MAP2K1: variants seen among roughly 807,000 people sequenced by gnomAD.
MAP2K1 encodes the protein mitogen-activated protein kinase kinase 1, also known as dual specificity mitogen-activated protein kinase kinase 1.
In MAP2K1, 16 loss-of-function variants were observed where a neutral mutation model predicts 46.3. The observed-to-expected ratio is 0.35, with a 90% CI of 0.23 to 0.52. The LOEUF (loss-of-function observed/expected upper bound fraction) is 0.52, where lower values mean the gene tolerates loss of function less well. Among genes scored for constraint, MAP2K1 ranks in the 20% least tolerant of loss-of-function variants. The pLI, the probability that MAP2K1 is intolerant of heterozygous loss-of-function variation, is 0.94. For missense variants in MAP2K1, 263 were observed against 497.1 expected (o/e 0.53, Z 4.48); for synonymous variants, 183 against 185.6 (o/e 0.99, Z 0.11).
At chr15:66,404,095 T>G (rs1434869637) in intron 1 of MAP2K1, among the ~76,000 whole-genome samples, 1 of 152,176 alleles carries the variant, frequency 6.6e-6, no homozygotes, top group Non-Finnish European at 1.5e-5. Context: ...CAATAATTAT[T>G]AATAATAGAA....
intron 5 of MAP2K1, chr15:66,453,416 C>T: frequency 1.4e-6 from 1 of 696,906 alleles, no homozygotes; most frequent in Admixed American, 2.0e-5. Flanking sequence ...TGTGGGCTGG[C>T]CTGGCTGCTC....
At chr15:66,408,699 T>C (rs1214295428) in intron 1 of MAP2K1, among the ~76,000 whole-genome samples, 1 of 152,092 alleles carries the variant, frequency 6.6e-6, no homozygotes, top group African/African-American at 2.4e-5. Context: ...CCAGACATCT[T>C]CCTCAGTGGG....
intron 3 of MAP2K1, among the ~76,000 whole-genome samples, chr15:66,442,582 G>A (rs1017106789): frequency 1.3e-5 from 2 of 152,160 alleles, no homozygotes; most frequent in African/African-American, 4.8e-5. Context: ...CTCCCAGACC[G>A]TGTTTTTCCT....
chr15:66,427,130 G>T (rs949774571), intron 1 of MAP2K1, among the ~76,000 whole-genome samples: 1 of 152,206 alleles, frequency 6.6e-6, no homozygotes, highest in Non-Finnish European at 1.5e-5. Flanking sequence ...GGCAATTTAA[G>T]TCAAAATGTG....
At chr15:66,397,295 G>T (rs371228769) in intron 1 of MAP2K1, among the ~76,000 whole-genome samples, 1 of 152,072 alleles carries the variant, frequency 6.6e-6, no homozygotes, top group African/African-American at 2.4e-5. Context: ...GAGCCACGGC[G>T]CCCGGCCTGT....
At chr15:66,434,150 G>T (rs1013834195) in intron 1 of MAP2K1, among the ~76,000 whole-genome samples, 2 of 152,084 alleles carry the variant, frequency 1.3e-5, no homozygotes, top group African/African-American at 4.8e-5. Context: ...TTTCCCCTAT[G>T]AACACTAGTT....
In MAP2K1 at chr15:66,489,766, G is replaced by GA. The variant is rs746978252; in HGVS notation, c.1068+4dup. ...GAGCAGATTTGAAGCAACTCATGGT[G>GA]AGTCTATTTATTCCGGATTCTTACA... is the stretch of plus-strand genomic sequence containing the variant. On this transcript the variant is annotated splice_donor_region_variant and intron_variant, in intron 10 of 10. Transcript: ENST00000307102. The GA allele has an allele frequency of 6.2e-7, 1 of 1,612,354 alleles. No individual in the cohort carries two copies. Among genetic ancestry groups the GA allele is most frequent in the South Asian group, 1.1e-5 (1 of 91,058 alleles).
chr15:66,469,934 C>T (rs900262193), intron 5 of MAP2K1, among the ~76,000 whole-genome samples: 1 of 151,304 alleles, frequency 6.6e-6, no homozygotes, highest in Non-Finnish European at 1.5e-5. Context: ...TATGGAACTG[C>T]AGCCTGAGGT....
chr15:66,448,497 G>A (rs577972657), intron 5 of MAP2K1, among the ~76,000 whole-genome samples: 13 of 152,102 alleles, frequency 8.5e-5, no homozygotes, highest in South Asian at 2.1e-4. Flanking sequence ...GGGATTTGTC[G>A]GGAGAAAAGA....
At chr15:66,460,991 A>G (rs1246329916) in intron 5 of MAP2K1, among the ~76,000 whole-genome samples, 1 of 152,104 alleles carries the variant, frequency 6.6e-6, no homozygotes, top group Non-Finnish European at 1.5e-5. Context: ...TCCTCCTCAG[A>G]TCACAAAGCC....
Position 66,434,493 on chromosome 15 carries a change from A to G in MAP2K1, c.81-534A>G, listed in dbSNP as rs1329323437. 5.3e-5 allele frequency among the ~76,000 whole-genome samples: 8 copies of G among 152,284 alleles called. No homozygotes were observed. In the South Asian group the frequency reaches 1.2e-3, roughly 24 times the overall value. ...CATTGAGTAAAAATAAGAATTTTAG[A>G]TATGTAATTTTTATGATTTTTTGCT... On this transcript the variant is annotated intron_variant, in intron 1 of 10. Coordinates refer to ENST00000307102, the MANE Select transcript of MAP2K1 (RefSeq NM_002755.4).
chr15:66,411,096 CTT>C (rs922343795), intron 1 of MAP2K1, among the ~76,000 whole-genome samples: 3 of 143,458 alleles, frequency 2.1e-5, no homozygotes. Flanking sequence ...CTTGAGGTTT[CTT>C]TTTTTTTTTG....
chr15:66,423,664 A>G (rs2093449513), intron 1 of MAP2K1, among the ~76,000 whole-genome samples: 1 of 144,178 alleles, frequency 6.9e-6, no homozygotes, highest in African/African-American at 2.7e-5. Context: ...CTGGAGTGCA[A>G]TGGCGCAATC....
intron 5 of MAP2K1, among the ~76,000 whole-genome samples, chr15:66,468,801 C>T (rs965340529): frequency 2.0e-5 from 3 of 150,150 alleles, no homozygotes; most frequent in East Asian, 2.0e-4. Flanking sequence ...CGTGGTGGTG[C>T]GTGCCTGTAA....
At chr15:66,387,824 G>T (rs188121091) in intron 1 of MAP2K1, among the ~76,000 whole-genome samples, 3 of 152,332 alleles carry the variant, frequency 2.0e-5, no homozygotes, top group Admixed American at 2.0e-4. Context: ...GATCGCATCT[G>T]TGCTTTTGAG....
chr15:66,446,879 G>T, intron 5 of MAP2K1: 1 of 170,788 alleles, frequency 5.9e-6, no homozygotes, highest in Non-Finnish European at 1.3e-5. Flanking sequence ...TGGATACATG[G>T]CTATATACAT....
chr15:66,467,844 C>T (rs188523940), intron 5 of MAP2K1, among the ~76,000 whole-genome samples: 15 of 152,154 alleles, frequency 9.9e-5, no homozygotes, highest in Non-Finnish European at 1.6e-4. Flanking sequence ...TACAGGCATG[C>T]GCCACCGCGC....
chr15:66,420,859 G>A lies in MAP2K1; in HGVS notation c.81-14168G>A, dbSNP rs1415033714. The stretch of plus-strand genomic sequence containing the variant: ...TATATATGTGTGTATATATATGTGT[G>A]TATATATATGTGTGTATATATATGT... On this transcript the variant is annotated intron_variant, in intron 1 of 10. Coordinates refer to ENST00000307102, the MANE Select transcript of MAP2K1 (RefSeq NM_002755.4). Among the ~76,000 whole-genome samples the A allele has an allele frequency of 1.8e-4, 19 of 104,922 alleles. 2 individuals are homozygous for A. Among genetic ancestry groups the A allele is most frequent in the South Asian group, 2.9e-4 (1 of 3,484 alleles). The allele number at this position is 104,922 out of a possible 152,430, so 68.8% of individuals were successfully genotyped here.
chr15:66,461,469 T>C (rs1165260292), intron 5 of MAP2K1, among the ~76,000 whole-genome samples: 1 of 134,592 alleles, frequency 7.4e-6, no homozygotes, highest in African/African-American at 2.9e-5. Context: ...AGAGTGAGAC[T>C]CTGTCTCTAA....
Sources: allele counts gnomAD v4.1 joint callset (sites outside exome capture counted in the v4.1 genomes callset), GRCh38; gene constraint gnomAD v4.1.1; transcripts MANE v1.5; gene names NCBI Gene and HGNC (gene_info 2026-07-23, HGNC 2026-07-21).